RARB: variants seen among roughly 807,000 people sequenced by gnomAD.
RARB encodes HBV-activated protein.
RARB carries 17 observed loss-of-function variants against 51.9 expected under a neutral mutation model. The ratio of observed to expected loss-of-function variants is 0.33; its 90% CI spans 0.22 to 0.49. The LOEUF is 0.49. RARB is among the 20% of genes least tolerant of loss of function. RARB has a pLI of 0.99. For synonymous variants in RARB, 215 were observed against 195.4 expected, an observed-to-expected ratio of 1.10 and a Z score of -0.84; for missense variants, 369 against 550.8, an observed-to-expected ratio of 0.67 and a Z score of 3.30.
intron 4 of RARB, 132 bp downstream of exon 4, chr3:25,570,050 T>G: frequency 1.5e-6 from 2 of 1,311,806 alleles, no homozygotes; most frequent in Non-Finnish European, 2.1e-6. Flanking sequence ...GGGGCTTGCA[T>G]GCTAGCCAGC....
chr3:25,257,110 G>C (rs1575263293), intron 5 of RARB, among the ~76,000 whole-genome samples: 1 of 152,202 alleles, frequency 6.6e-6, no homozygotes, highest in African/African-American at 2.4e-5. Flanking sequence ...ATGAAATAGG[G>C]AATGAACTTA....
intron 2 of RARB, among the ~76,000 whole-genome samples, chr3:24,908,899 C>T (rs544348612): frequency 1.3e-5 from 2 of 152,084 alleles, no homozygotes; most frequent in Admixed American, 1.3e-4. Flanking sequence ...TTTCCCACAT[C>T]CTTCAGCTAT....
chr3:24,901,056 A>G (rs774357390), intron 2 of RARB, among the ~76,000 whole-genome samples: 2 of 152,222 alleles, frequency 1.3e-5, no homozygotes, highest in Non-Finnish European at 2.9e-5. Flanking sequence ...AAATTTAACT[A>G]TGCTCTGTTA....
At chr3:25,225,984 A>G (rs557140419) in intron 5 of RARB, among the ~76,000 whole-genome samples, 2 of 152,322 alleles carry the variant, frequency 1.3e-5, no homozygotes, top group Admixed American at 6.5e-5. Context: ...GATATATAAT[A>G]ACAGTGATTG....
At chr3:25,400,500 C>A (rs552863589) in intron 5 of RARB, among the ~76,000 whole-genome samples, 1 of 152,148 alleles carries the variant, frequency 6.6e-6, no homozygotes, top group Non-Finnish European at 1.5e-5. Context: ...AAGAAGGTCT[C>A]AATATTCTCA....
chr3:25,320,471 T>C (rs1278151733), intron 5 of RARB, among the ~76,000 whole-genome samples: 1 of 152,152 alleles, frequency 6.6e-6, no homozygotes, highest in Admixed American at 6.5e-5. Context: ...AACCGAAAGT[T>C]TGGCCAATGA....
intron 4 of RARB, among the ~76,000 whole-genome samples, chr3:25,172,595 C>G (rs1039402903): frequency 2.6e-5 from 4 of 152,064 alleles, no homozygotes; most frequent in Non-Finnish European, 5.9e-5. Context: ...TACCCAGATC[C>G]CTCGTTTTCT....
intron 2 of RARB, 88 bp downstream of exon 2, chr3:25,461,429 A>T: frequency 7.0e-7 from 1 of 1,424,226 alleles, no homozygotes; most frequent in Non-Finnish European, 9.6e-7. Context: ...AATGGGCTGG[A>T]TGTGTAACAT....
At chr3:25,160,250 A>G (rs932390793) in intron 4 of RARB, among the ~76,000 whole-genome samples, 2 of 152,236 alleles carry the variant, frequency 1.3e-5, no homozygotes, top group African/African-American at 4.8e-5. Flanking sequence ...TCCACATGGC[A>G]AAGTGGAGAA....
intron 2 of RARB, among the ~76,000 whole-genome samples, chr3:24,876,949 A>T (rs967507477): frequency 2.0e-5 from 3 of 152,172 alleles, no homozygotes; most frequent in African/African-American, 7.2e-5. Flanking sequence ...CATTTTATTA[A>T]TGCCAGTGCT....
intron 5 of RARB, among the ~76,000 whole-genome samples, chr3:25,204,156 T>G (rs1701467899): frequency 6.6e-6 from 1 of 152,216 alleles, no homozygotes; most frequent in Admixed American, 6.5e-5. Context: ...CTAACTTCTC[T>G]TCTTGCTTCA....
At chr3:25,209,293 A>G (rs376066075) in intron 5 of RARB, among the ~76,000 whole-genome samples, 3 of 152,316 alleles carry the variant, frequency 2.0e-5, no homozygotes, top group Admixed American at 6.5e-5. Context: ...TTTCTGAGCT[A>G]TTGTGATTTT....
intron 5 of RARB, among the ~76,000 whole-genome samples, chr3:25,289,852 C>A (rs564514757): frequency 6.6e-6 from 1 of 152,228 alleles, no homozygotes; most frequent in South Asian, 2.1e-4. Context: ...TTCCAGCCAC[C>A]AGTAAACAGT....
intron 2 of RARB, among the ~76,000 whole-genome samples, chr3:25,499,491 AAGCTGT>A (rs1697189498): frequency 6.6e-6 from 1 of 152,194 alleles, no homozygotes; most frequent in African/African-American, 2.4e-5. Context: ...ATTGTCTGCA[AAGCTGT>A]ATGTAGAAAC....
intron 2 of RARB, among the ~76,000 whole-genome samples, chr3:24,995,590 T>C (rs939702677): frequency 3.9e-5 from 6 of 152,114 alleles, no homozygotes; most frequent in African/African-American, 1.4e-4. Flanking sequence ...TTCAGTAAGA[T>C]GGTAGCTGTG....
At chr3:25,031,807 A>G (rs1217361242) in intron 2 of RARB, among the ~76,000 whole-genome samples, 2 of 152,232 alleles carry the variant, frequency 1.3e-5, no homozygotes, top group East Asian at 1.9e-4. Context: ...ATATCTTCAT[A>G]TACTTATCCC....
chr3:24,971,871 ATTT>A (rs920356830), intron 2 of RARB, among the ~76,000 whole-genome samples: 58 of 152,008 alleles, frequency 3.8e-4, no homozygotes, highest in African/African-American at 1.4e-3. Flanking sequence ...ATGAATAAAT[ATTT>A]TTATTTTTGT....
At chr3:25,416,625 A>T (rs867120262) in intron 5 of RARB, among the ~76,000 whole-genome samples, 1 of 152,244 alleles carries the variant, frequency 6.6e-6, no homozygotes, top group Non-Finnish European at 1.5e-5. Flanking sequence ...ACGATCACGC[A>T]GCTCTGTTGT....
At chr3:25,308,751 G>A (rs1015338166) in intron 5 of RARB, among the ~76,000 whole-genome samples, 8 of 152,170 alleles carry the variant, frequency 5.3e-5, no homozygotes, top group South Asian at 2.1e-4. Flanking sequence ...CCCAGCCTCC[G>A]TGAGTATTTT....
Sources: gnomAD v4.1 joint callset for allele counts (sites outside exome capture counted in the v4.1 genomes callset) on GRCh38, gnomAD v4.1.1 for gene constraint, MANE v1.5 for transcripts, NCBI Gene and HGNC (gene_info 2026-07-23, HGNC 2026-07-21) for gene names.